The following AGAP2 variants were observed in gnomAD, a reference collection of about 807,000 sequenced individuals.
AGAP2 encodes ArfGAP with GTPase domain, ankyrin repeat and PH domain 2.
In AGAP2, 32 loss-of-function variants were observed where a neutral mutation model predicts 110.9. The observed-to-expected ratio is 0.29, with a 90% CI of 0.22 to 0.39. The LOEUF is 0.39. Among genes scored for constraint, AGAP2 ranks in the 10% least tolerant of loss-of-function variants. The pLI is 1.00. For missense variants in AGAP2, 1,285 were observed against 1,638.5 expected (o/e 0.78, Z 3.72); for synonymous variants, 702 against 713.0 (o/e 0.98, Z 0.25).
chr12:57,727,846 C>G, intron 15 of AGAP2, 75 bp from the exon 16 acceptor site: 1 of 1,590,284 alleles, frequency 6.3e-7, no homozygotes, highest in Non-Finnish European at 8.6e-7. Context: ...CTGCTCTCCT[C>G]TCACACGACT....
Position 57,738,367 on chromosome 12 carries a change from G to T in AGAP2, c.-121C>A. The T allele has an allele frequency of 8.3e-7, 1 of 1,209,902 alleles. No homozygotes were observed. Among genetic ancestry groups the T allele is most frequent in the Non-Finnish European group, 1.0e-6 (1 of 965,146 alleles). 74.9% of individuals were successfully genotyped at this position (1,209,902 alleles called of 1,614,324 possible). On this transcript the variant is annotated 5_prime_UTR_variant, in exon 1 of 19. Transcript: ENST00000547588. This position sits in a 1 kb window ranked among gnomAD's most constrained non-coding sequence, Gnocchi z 6.7. ...GCCCCCGGACCCCGCTGAGCCCCCG[G>T]CCCGGCTCCGCTGTCGCCGCCGCCT...
rs1203417593 is a variant in AGAP2 at position 57,727,249 on chromosome 12, C to T, written c.3081-20G>A. ...TCCTCCCTGCAAGACCAGGGATCAA[C>T]GGAAAAGGCTCTAGGGACCCCCAGC... On this transcript the variant is annotated intron_variant, in intron 17 of 18. Transcript: ENST00000547588. 1.2e-6 allele frequency: 2 copies of T among 1,612,538 alleles called. No homozygotes were observed. The highest frequency in any genetic ancestry group is 1.7e-5 in the Admixed American group (1 of 60,010).
At chr12:57,729,488 C>T (rs1954842930) in intron 13 of AGAP2, 151 bp downstream of exon 13, 3 of 1,130,538 alleles carry the variant, frequency 2.7e-6, no homozygotes, top group African/African-American at 3.2e-5. Context: ...GGGGGATGTC[C>T]ATCCACTCTT....
Position 57,729,190 on chromosome 12 carries a change from A to G in AGAP2, c.2557+449T>C, listed in dbSNP as rs977497026. On this transcript the variant is annotated intron_variant, in intron 13 of 18. Coordinates refer to ENST00000547588, the MANE Select transcript of AGAP2 (RefSeq NM_001122772.3). Reference sequence around the variant, plus strand: ...GACTCCATCTCAAAAAAAAAAAAAAAAAAGAAAAGAAAAAAAAAAGAAAGA... The same window carrying G: ...GACTCCATCTCAAAAAAAAAAAAAAGAAAGAAAAGAAAAAAAAAAGAAAGA... Among the ~76,000 whole-genome samples, 11 of 151,080 alleles carry G rather than the reference A, an allele frequency of 7.3e-5. 1 individual carries two copies. The highest frequency in any genetic ancestry group is 1.7e-4 in the African/African-American group (7 of 41,236).
At chr12:57,741,840 T>C (rs1166824097), upstream of AGAP2, 14 of 1,536,414 alleles carry the variant, frequency 9.1e-6, no homozygotes, top group Non-Finnish European at 1.2e-5. Flanking sequence ...AATTGATATA[T>C]GATACAGCTA....
chr12:57,739,454 A>T (rs965665889), upstream of AGAP2, among the ~76,000 whole-genome samples: 1 of 152,168 alleles, frequency 6.6e-6, no homozygotes, highest in Non-Finnish European at 1.5e-5. Flanking sequence ...AATGTTCCCC[A>T]GGGATGGGGA....
intron 3 of AGAP2, 34 bp downstream of exon 3, chr12:57,734,558 A>G: frequency 6.2e-7 from 1 of 1,611,218 alleles, no homozygotes; most frequent in Non-Finnish European, 8.5e-7. Flanking sequence ...CCCTGACCCC[A>G]ATGGTTAGCT....
intron 1 of AGAP2, 94 bp from the exon 2 acceptor site, chr12:57,735,521 C>CG: frequency 3.5e-6 from 4 of 1,152,260 alleles, no homozygotes; most frequent in South Asian, 2.7e-5. Context: ...GCTTTCCAAC[C>CG]CCCCCCCAAC....
At position 57,737,766 on chromosome 12, in the gene AGAP2, C is replaced by T. The variant is rs1955015934; in HGVS notation, c.481G>A (p.Gly161Ser). The change falls in exon 1 of 19, where the codon GGC becomes AGC. Residue 161 changes from glycine to serine, a missense_variant. Around this residue, in one of 7 missense-constraint regions of AGAP2, gnomAD observed 844 missense variants for 941.2 expected, o/e 0.90. Coordinates refer to ENST00000547588, the MANE Select transcript of AGAP2 (RefSeq NM_001122772.3). This position sits in a 1 kb window ranked among gnomAD's most constrained non-coding sequence, Gnocchi z 5.9. ...GGAGAGGATGAGCCAGGGATGCCGC[C>T]GCCCGCCCGGCCTTCGGGCTCCGGG... ...GGPEPEGRAG[G>S]GIPGSSSPHP... The T allele has an allele frequency of 1.3e-6, 2 of 1,533,800 alleles. No homozygotes were observed. Among genetic ancestry groups the T allele is most frequent in the South Asian group, 1.2e-5 (1 of 83,870 alleles).
Position 57,737,091 on chromosome 12 carries a change from G to A in AGAP2, c.1156C>T (p.Arg386Cys), listed in dbSNP as rs1027210475. Residue 386 changes from arginine (R) to cysteine (C), a missense_variant, in exon 1 of 19, where the codon CGC becomes TGC. Physicochemically the swap from Arg to Cys is radical, Grantham distance 180 (BLOSUM62 -3). Coordinates refer to ENST00000547588, the MANE Select transcript of AGAP2 (RefSeq NM_001122772.3). This position sits in a 1 kb window ranked among gnomAD's most constrained non-coding sequence, Gnocchi z 5.9. Reference protein sequence around the residue: ...GSRELLGAELRASPKAVINSQ... With the variant: ...GSRELLGAELCASPKAVINSQ... ...TGACTCAACTCACTAGGGGAAGCGC[G>A]GAGCTCGGCGCCCAGCAGCTCCCTG... 4 of 1,543,430 alleles carry A rather than the reference G, an allele frequency of 2.6e-6. No individual in the cohort carries two copies. The highest frequency in any genetic ancestry group is 2.8e-5 in the African/African-American group (2 of 72,650).
intron 13 of AGAP2, among the ~76,000 whole-genome samples, chr12:57,729,328 A>G (rs11172314): frequency 0.1 from 15,819 of 151,908 alleles, 1,094 homozygotes; most frequent in Admixed American, 0.21. Flanking sequence ...TGCCGGGTGC[A>G]GGGGCTGGGG....
chr12:57,726,288 G>A lies in AGAP2; in HGVS notation c.*264C>T, dbSNP rs373945122. On this transcript the variant is annotated 3_prime_UTR_variant, in exon 19 of 19. Coordinates refer to ENST00000547588, the MANE Select transcript of AGAP2 (RefSeq NM_001122772.3). The surrounding 1 kb of genome is among the most constrained non-coding windows in gnomAD (Gnocchi z 5.7). The stretch of plus-strand genomic sequence containing the variant: ...GGGGACCTCCCCTTCCGCGAACCCC[G>A]AGCGGGTAGACCCAGAGCAATCCGA... 5.0e-5 allele frequency: 12 copies of A among 239,798 alleles called. No homozygotes were observed. The East Asian group carries it at 6.9e-4, about 14-fold the overall frequency. The allele number at this position is 239,798 out of a possible 1,614,324, so 14.9% of individuals were successfully genotyped here. A position where few individuals can be genotyped will look rare whatever the true frequency, so the allele number is the denominator to read the frequency against.
intron 7 of AGAP2, 21 bp downstream of exon 7, chr12:57,732,382 G>T (rs1319000494): frequency 6.4e-7 from 1 of 1,569,186 alleles, no homozygotes; most frequent in Non-Finnish European, 8.7e-7. Flanking sequence ...CCCCTCTGCA[G>T]ACTCTGAAAC....
Position 57,737,923 on chromosome 12 carries a change from G to A in AGAP2, c.324C>T (p.Pro108=). The change falls in exon 1 of 19, where the codon CCC becomes CCT. Residue 108 remains proline, a synonymous_variant. Coordinates refer to ENST00000547588, the MANE Select transcript of AGAP2 (RefSeq NM_001122772.3). The surrounding 1 kb of genome is among the most constrained non-coding windows in gnomAD (Gnocchi z 5.9). ...CGGCCCAGAGGGAGAGGCGGCGGCCGGGAGCGGGGGAGACTGGGCGGGCCG... is the reference window on the plus strand; with the variant it reads ...CGGCCCAGAGGGAGAGGCGGCGGCCAGGAGCGGGGGAGACTGGGCGGGCCG... ...ASPARPVSPA[P]GRRLSLWAVP... is the part of the protein sequence containing the mutation. 2 of 1,389,540 alleles carry A rather than the reference G, an allele frequency of 1.4e-6. No homozygotes were observed. Among genetic ancestry groups the A allele is most frequent in the East Asian group, 3.0e-5 (1 of 33,640 alleles). The allele number at this position is 1,389,540 out of a possible 1,614,324, so 86.1% of individuals were successfully genotyped here. A position where few individuals can be genotyped will look rare whatever the true frequency, so the allele number is the denominator to read the frequency against.
intron 6 of AGAP2, 145 bp downstream of exon 6, chr12:57,732,700 T>G: frequency 6.9e-7 from 1 of 1,456,868 alleles, no homozygotes; most frequent in Middle Eastern, 1.8e-4. Flanking sequence ...TAAGCAAACC[T>G]TCTCTGGCCT....
rs553490960 is a variant in AGAP2, at chr12:57,732,921, G to A, written c.1608C>T (p.Cys536=). 9.1e-5 allele frequency: 147 copies of A among 1,614,048 alleles called. 2 individuals are homozygous for A. In the South Asian group the frequency reaches 1.5e-3, roughly 16 times the overall value. Reference sequence around the variant, plus strand: ...AGTAGCTGCAGCGTTTCATGTCCGCGCACAGAGCTCTGGCACGAGCATCTC... The same window carrying A: ...AGTAGCTGCAGCGTTTCATGTCCGCACACAGAGCTCTGGCACGAGCATCTC... ...VVGDARARAL[C]ADMKRCSYYE... The change falls in exon 6 of 19, where the codon TGC becomes TGT. Residue 536 remains cysteine (C), a synonymous_variant. Coordinates refer to ENST00000547588, the MANE Select transcript of AGAP2 (RefSeq NM_001122772.3).
intron 11 of AGAP2, 88 bp downstream of exon 11, chr12:57,730,703 G>T (rs562159284): frequency 1.9e-6 from 3 of 1,606,210 alleles, no homozygotes; most frequent in Non-Finnish European, 2.5e-6. Context: ...CTTCCTACTC[G>T]CCCAGTGCCA....
At position 57,738,094 on chromosome 12, in the gene AGAP2, A is replaced by T. The variant is rs1487829234; in HGVS notation, c.153T>A (p.Asp51Glu). The T allele has an allele frequency of 6.6e-7, 1 of 1,523,716 alleles. No individual in the cohort carries two copies. Among genetic ancestry groups the T allele is most frequent in the Non-Finnish European group, 8.8e-7 (1 of 1,141,394 alleles). 94.4% of individuals were successfully genotyped at this position (1,523,716 alleles called of 1,614,324 possible). Residue 51 changes from aspartate (D) to glutamate (E), a missense_variant, in exon 1 of 19, where the codon GAT becomes GAA. By Grantham distance (45) the Asp-to-Glu change is conservative (BLOSUM62 2). This residue lies in a region of AGAP2 where 844 missense variants were observed against 941.2 expected (regional missense o/e 0.90). Coordinates refer to ENST00000547588, the MANE Select transcript of AGAP2 (RefSeq NM_001122772.3). The surrounding 1 kb of genome is among the most constrained non-coding windows in gnomAD (Gnocchi z 6.7). ...AAGARGSETG[D>E]PGSPRGAEEP... ...CCTCCGCGCCTCGGGGGCTGCCAGG[A>T]TCCCCAGTCTCGGAGCCTCTGGCAC... is the stretch of plus-strand genomic sequence containing the variant.
intron 7 of AGAP2, 139 bp from the exon 8 acceptor site, chr12:57,732,106 A>G: frequency 2.9e-6 from 3 of 1,051,876 alleles, no homozygotes; most frequent in South Asian, 3.4e-5. Flanking sequence ...AATTTTTAAA[A>G]TCCTCACTAA....
Sources: gnomAD v4.1 joint callset for allele counts (sites outside exome capture counted in the v4.1 genomes callset) on GRCh38, gnomAD v4.1.1 for gene constraint, gnomAD v4.1.1 regional missense constraint, Gnocchi (gnomAD v3.1) non-coding constraint, MANE v1.5 for transcripts, NCBI Gene and HGNC (gene_info 2026-07-23, HGNC 2026-07-21) for gene names.